MTUS2: variants seen among roughly 807,000 people sequenced by gnomAD.
The protein encoded by MTUS2 is microtubule-associated tumor suppressor candidate 2.
Under a neutral mutation model 114.1 loss-of-function variants are expected in MTUS2, and 40 were observed. The ratio of observed to expected loss-of-function variants is 0.35; its 90% CI spans 0.27 to 0.46. MTUS2 has a LOEUF of 0.46. Ranked by LOEUF, MTUS2 falls within the 20% of genes least tolerant of loss-of-function variation. MTUS2 has a pLI of 1.00. For synonymous variants in MTUS2, 688 were observed against 672.0 expected (o/e 1.02, Z -0.37); for missense variants, 1,679 against 1,705.4 (o/e 0.98, Z 0.27).
chr13:28,887,618 G>C (rs1878668407), intron 2 of MTUS2, among the ~76,000 whole-genome samples: 1 of 152,304 alleles, frequency 6.6e-6, no homozygotes, highest in South Asian at 2.1e-4. Flanking sequence ...GACTTCAGTG[G>C]GCCAAAGGGA....
At chr13:29,237,431 C>T (rs1294063753) in intron 5 of MTUS2, among the ~76,000 whole-genome samples, 1 of 152,146 alleles carries the variant, frequency 6.6e-6, no homozygotes, top group Non-Finnish European at 1.5e-5. Flanking sequence ...GATTCCACCA[C>T]CCTGCCCCCA....
intron 7 of MTUS2, among the ~76,000 whole-genome samples, chr13:29,330,022 C>T (rs927554049): frequency 1.3e-5 from 2 of 152,228 alleles, no homozygotes; most frequent in African/African-American, 2.4e-5. Context: ...GGAATCACCA[C>T]ATTGTCTTCC....
chr13:29,370,022 T>G (rs1373517482), intron 8 of MTUS2, among the ~76,000 whole-genome samples: 2 of 152,098 alleles, frequency 1.3e-5, no homozygotes, highest in African/African-American at 2.4e-5. Context: ...CATAATCACT[T>G]TTAATGTGAA....
chr13:29,303,375 G>T lies in MTUS2; in HGVS notation c.2807-21238G>T, dbSNP rs538781658. Among the ~76,000 whole-genome samples the T allele has an allele frequency of 4.6e-5, 7 of 152,258 alleles. No homozygotes were observed. The South Asian group carries it at 1.5e-3, about 32-fold the overall frequency. ...CTTAGCTGAGCTAAAGGAGCATGTT[G>T]TAACCCAATGCAGAGAAACTAAGAA... On this transcript the variant is annotated intron_variant, in intron 6 of 15. Coordinates refer to ENST00000612955, the MANE Select transcript of MTUS2 (RefSeq NM_001033602.4).
chr13:29,153,700 G>A (rs1214451900), intron 5 of MTUS2, among the ~76,000 whole-genome samples: 1 of 152,052 alleles, frequency 6.6e-6, no homozygotes. Flanking sequence ...AGTATCCCCA[G>A]ACCTCCTCAA....
intron 5 of MTUS2, among the ~76,000 whole-genome samples, chr13:29,261,981 C>T (rs549889292): frequency 4.6e-5 from 7 of 152,308 alleles, no homozygotes; most frequent in South Asian, 2.1e-4. Flanking sequence ...AACTAACCTC[C>T]GTCAGTATTT....
chr13:28,908,296 C>T (rs1486186423), intron 2 of MTUS2, among the ~76,000 whole-genome samples: 1 of 151,470 alleles, frequency 6.6e-6, no homozygotes, highest in Non-Finnish European at 1.5e-5. Context: ...TCCACCTCCC[C>T]CAACCCCACA....
At chr13:29,268,386 C>T (rs12867495) in intron 5 of MTUS2, among the ~76,000 whole-genome samples, 1,925 of 152,226 alleles carry the variant, frequency 0.013, 32 homozygotes, top group East Asian at 0.082. Context: ...AGGGTCAAGC[C>T]GTGTCCCTCC....
At chr13:29,356,364 C>T (rs146399228) in intron 7 of MTUS2, among the ~76,000 whole-genome samples, 2 of 152,336 alleles carry the variant, frequency 1.3e-5, no homozygotes, top group South Asian at 2.1e-4. Flanking sequence ...AAACCTGGTA[C>T]TTCCTAAGCA....
rs141569100 is a variant in MTUS2 at position 29,003,440 on chromosome 13, C to A, written c.-242-21017C>A. ...AGCTTATAGTCTTGAATTCCCTCTC[C>A]TATATGCTTCTTCCACTTTTAAATG... On this transcript the variant is annotated intron_variant, in intron 2 of 15. Coordinates refer to ENST00000612955, the MANE Select transcript of MTUS2 (RefSeq NM_001033602.4). Among the ~76,000 whole-genome samples, 8 of 152,314 alleles carry A rather than the reference C, an allele frequency of 5.3e-5. No individual in the cohort carries two copies. In the East Asian group the frequency reaches 1.2e-3, roughly 22 times the overall value.
intron 5 of MTUS2, among the ~76,000 whole-genome samples, chr13:29,191,176 T>G (rs11617349): frequency 0.15 from 22,076 of 152,050 alleles, 1,823 homozygotes; most frequent in East Asian, 0.31. Flanking sequence ...CCCTTGGAGA[T>G]TCAGAAATCA....
At chr13:29,377,673 GA>G (rs11356134) in intron 8 of MTUS2, among the ~76,000 whole-genome samples, 92,527 of 151,880 alleles carry the variant, frequency 0.61, 29,086 homozygotes, top group East Asian at 0.75. Flanking sequence ...TGAAAAAGAA[GA>G]AAGACTCAAA....
At chr13:28,971,036 T>A (rs1317448051) in intron 2 of MTUS2, among the ~76,000 whole-genome samples, 3 of 152,210 alleles carry the variant, frequency 2.0e-5, no homozygotes, top group Non-Finnish European at 4.4e-5. Flanking sequence ...CTGTGTTTTA[T>A]TCTAAATGTT....
At chr13:29,350,521 T>C (rs1042388767) in intron 7 of MTUS2, among the ~76,000 whole-genome samples, 1 of 151,970 alleles carries the variant, frequency 6.6e-6, no homozygotes, top group African/African-American at 2.4e-5. Flanking sequence ...ACCCTGCTTT[T>C]AGTAAACTTA....
chr13:29,158,774 G>A (rs1169898895), intron 5 of MTUS2, among the ~76,000 whole-genome samples: 1 of 152,080 alleles, frequency 6.6e-6, no homozygotes, highest in East Asian at 1.9e-4. Flanking sequence ...GGCTTTTAGC[G>A]AAGGAGTTTT....
intron 5 of MTUS2, among the ~76,000 whole-genome samples, chr13:29,207,780 A>G (rs1202588169): frequency 1.3e-5 from 2 of 152,118 alleles, no homozygotes; most frequent in Non-Finnish European, 2.9e-5. Flanking sequence ...ATCCCACTTG[A>G]TCATGGTGGA....
At position 29,030,342 on chromosome 13, in the gene MTUS2, A is replaced by C. The variant is rs187547257; in HGVS notation, c.2205+3439A>C. On this transcript the variant is annotated intron_variant, in intron 3 of 15. Transcript: ENST00000612955. The stretch of plus-strand genomic sequence containing the variant: ...TCGAGCATCCCAAAGTCTTCTTCAA[A>C]GAATTTATTTGTTTTTGGGCCTCGA... Among the ~76,000 whole-genome samples, 516 of 152,272 alleles carry C rather than the reference A, an allele frequency of 3.4e-3. 2 individuals carry two copies. In the Middle Eastern group the frequency reaches 0.054, roughly 16 times the overall value.
intron 5 of MTUS2, among the ~76,000 whole-genome samples, chr13:29,268,266 A>G (rs1014221600): frequency 6.6e-6 from 1 of 152,198 alleles, no homozygotes; most frequent in African/African-American, 2.4e-5. Flanking sequence ...AATAGAAAAG[A>G]GAATGTTTTT....
At chr13:29,222,807 C>CT (rs1243528165) in intron 5 of MTUS2, among the ~76,000 whole-genome samples, 1 of 152,252 alleles carries the variant, frequency 6.6e-6, no homozygotes, top group Non-Finnish European at 1.5e-5. Context: ...TGCCTGACCT[C>CT]TCCCCTCTCC....
Sources: gnomAD v4.1 joint callset for allele counts (sites outside exome capture counted in the v4.1 genomes callset) on GRCh38, gnomAD v4.1.1 for gene constraint, MANE v1.5 for transcripts, NCBI Gene and HGNC (gene_info 2026-07-23, HGNC 2026-07-21) for gene names.